The following FHIT variants were observed in gnomAD, a reference collection of about 807,000 sequenced individuals.
FHIT encodes bis(5'-adenosyl)-triphosphatase.
A neutral mutation model predicts 17.9 loss-of-function variants in FHIT; 19 were observed. The ratio of observed to expected loss-of-function variants is 1.06; its 90% confidence interval spans 0.74 to 1.56. The LOEUF (loss-of-function observed/expected upper bound fraction) is 1.56, where lower values mean the gene tolerates loss of function less well. FHIT is among the 40% of genes most tolerant of loss of function. FHIT has a pLI of 0.00. For synonymous variants in FHIT, 81 were observed against 69.7 expected (o/e 1.16, Z -0.81); for missense variants, 248 against 189.2 (o/e 1.31, Z -1.82).
intron 5 of FHIT, among the ~76,000 whole-genome samples, chr3:60,295,922 G>T (rs1034530315): frequency 1.3e-5 from 2 of 152,212 alleles, no homozygotes; most frequent in Non-Finnish European, 2.9e-5. Context: ...CCCACGTGTT[G>T]TGGGAGGGAC....
At chr3:60,192,377 G>C (rs1274638200) in intron 5 of FHIT, among the ~76,000 whole-genome samples, 4 of 152,098 alleles carry the variant, frequency 2.6e-5, no homozygotes, top group Non-Finnish European at 5.9e-5. Flanking sequence ...TTAGGACTCA[G>C]CATGAATGCT....
At chr3:60,526,810 C>G (rs1162597973) in intron 5 of FHIT, among the ~76,000 whole-genome samples, 4 of 152,164 alleles carry the variant, frequency 2.6e-5, no homozygotes, top group Admixed American at 2.6e-4. Flanking sequence ...TTCGTAGCAT[C>G]AAGCCAAAGA....
intron 2 of FHIT, among the ~76,000 whole-genome samples, chr3:61,199,853 A>C (rs2038962447): frequency 6.6e-6 from 1 of 152,190 alleles, no homozygotes; most frequent in African/African-American, 2.4e-5. Context: ...TCTTGATGAA[A>C]CCGCAGCCCT....
At chr3:60,882,762 T>C (rs529938069) in intron 3 of FHIT, among the ~76,000 whole-genome samples, 91 of 152,234 alleles carry the variant, frequency 6.0e-4, no homozygotes, top group Non-Finnish European at 1.0e-3. Context: ...AACATTATAC[T>C]GAACAGGGAA....
intron 5 of FHIT, among the ~76,000 whole-genome samples, chr3:60,063,821 TGGA>T (rs1369031209): frequency 6.6e-6 from 1 of 152,020 alleles, no homozygotes; most frequent in Non-Finnish European, 1.5e-5. Context: ...AACAAAAAAA[TGGA>T]GAAGAAAACC....
In FHIT at chr3:60,195,438, T is replaced by A. The variant is rs943488808; in HGVS notation, c.104-181286A>T. ...ACCGAAAGGAAAGTAAGTCATGAGA[T>A]CAAAAAAGACACCTGCACACATATA... On this transcript the variant is annotated intron_variant, in intron 5 of 9. Transcript: ENST00000492590. Among the ~76,000 whole-genome samples, 18 of 150,864 alleles carry A rather than the reference T, an allele frequency of 1.2e-4. No individual in the cohort carries two copies. The East Asian group carries it at 3.5e-3, about 30-fold the overall frequency.
chr3:60,671,978 T>C (rs1259704328), intron 4 of FHIT, among the ~76,000 whole-genome samples: 3 of 152,096 alleles, frequency 2.0e-5, no homozygotes, highest in Non-Finnish European at 4.4e-5. Context: ...TATTATTTGT[T>C]CTTAATTGAC....
intron 7 of FHIT, among the ~76,000 whole-genome samples, chr3:59,942,719 G>A (rs1706586468): frequency 6.6e-6 from 1 of 152,082 alleles, no homozygotes; most frequent in South Asian, 2.1e-4. Flanking sequence ...TGCAATCATA[G>A]CTCTCTGCAG....
chr3:59,916,465 A>T (rs1165790596), intron 8 of FHIT, among the ~76,000 whole-genome samples: 1 of 152,162 alleles, frequency 6.6e-6, no homozygotes, highest in African/African-American at 2.4e-5. Flanking sequence ...ACTCCTTAAT[A>T]AACTCTCCTT....
rs2039731170 is a variant in FHIT at position 61,217,932 on chromosome 3, C to CAAGG, written c.-212-17271_-212-17268dup. 2.0e-5 allele frequency among the ~76,000 whole-genome samples: 3 copies of CAAGG among 152,230 alleles called. No individual in the cohort carries two copies. In the South Asian group the frequency reaches 6.2e-4, roughly 32 times the overall value. ...TTTCCCTTTGTGAATTGGGATTAGACAAGGACCTTAACTAAATCCCACTGG... is the reference window on the plus strand; with the variant it reads ...TTTCCCTTTGTGAATTGGGATTAGACAAGGAAGGACCTTAACTAAATCCCACTGG... On this transcript the variant is annotated intron_variant, in intron 1 of 9. Coordinates refer to ENST00000492590, the MANE Select transcript of FHIT (RefSeq NM_002012.4).
At chr3:60,260,198 G>T (rs1441288776) in intron 5 of FHIT, among the ~76,000 whole-genome samples, 1 of 151,980 alleles carries the variant, frequency 6.6e-6, no homozygotes, top group Non-Finnish European at 1.5e-5. Context: ...CCAGTTCTAA[G>T]GGCCGTAGAG....
chr3:60,063,888 T>C (rs1283182871), intron 5 of FHIT, among the ~76,000 whole-genome samples: 1 of 152,210 alleles, frequency 6.6e-6, no homozygotes, highest in East Asian at 1.9e-4. Context: ...CAAAACAATA[T>C]GTACAGCTAT....
chr3:59,912,916 C>G (rs574155685), intron 8 of FHIT, among the ~76,000 whole-genome samples: 42 of 152,104 alleles, frequency 2.8e-4, no homozygotes, highest in Non-Finnish European at 5.7e-4. Flanking sequence ...CACTATAGGG[C>G]AAGCAAAAGT....
chr3:60,500,575 GC>G (rs1457730119), intron 5 of FHIT, among the ~76,000 whole-genome samples: 1 of 151,684 alleles, frequency 6.6e-6, no homozygotes, highest in African/African-American at 2.4e-5. Flanking sequence ...TTTGAGACCA[GC>G]CTGGTCAACA....
intron 8 of FHIT, among the ~76,000 whole-genome samples, chr3:59,826,532 G>A (rs1700984564): frequency 6.6e-6 from 1 of 152,228 alleles, no homozygotes; most frequent in South Asian, 2.1e-4. Context: ...CATATGGTGG[G>A]TATTTGGTAA....
chr3:61,212,653 G>A (rs367962682), intron 1 of FHIT, among the ~76,000 whole-genome samples: 10 of 152,092 alleles, frequency 6.6e-5, no homozygotes, highest in Non-Finnish European at 1.0e-4. Context: ...TACAGAGAAC[G>A]CCACAAAGAT....
intron 8 of FHIT, among the ~76,000 whole-genome samples, chr3:59,807,053 T>C (rs990868673): frequency 3.9e-5 from 6 of 152,178 alleles, no homozygotes; most frequent in African/African-American, 1.4e-4. Flanking sequence ...ACTCTGGCTG[T>C]GATCCCTCTC....
intron 5 of FHIT, among the ~76,000 whole-genome samples, chr3:60,178,548 T>C (rs1469413456): frequency 6.6e-6 from 1 of 151,774 alleles, no homozygotes; most frequent in Non-Finnish European, 1.5e-5. Context: ...ATCATACCAC[T>C]GCACTCCAGC....
At chr3:61,129,366 G>C (rs1303433027) in intron 2 of FHIT, among the ~76,000 whole-genome samples, 1 of 152,172 alleles carries the variant, frequency 6.6e-6, no homozygotes, top group Non-Finnish European at 1.5e-5. Context: ...CTCTGGTTCT[G>C]TGCAACCTGA....
Sources: gnomAD v4.1 joint callset for allele counts (sites outside exome capture counted in the v4.1 genomes callset) on GRCh38, gnomAD v4.1.1 for gene constraint, MANE v1.5 for transcripts, NCBI Gene and HGNC (gene_info 2026-07-23, HGNC 2026-07-21) for gene names.